The following KIF24 variants were observed in gnomAD, a reference collection of about 807,000 sequenced individuals.
The protein encoded by KIF24 is kinesin-like protein KIF24.
In KIF24, 81 loss-of-function variants were observed where a neutral mutation model predicts 118.9. The ratio of observed to expected loss-of-function variants is 0.68; its 90% CI spans 0.57 to 0.82. The LOEUF is 0.82. Among genes scored for constraint, KIF24 ranks in the 40% least tolerant of loss-of-function variants. The pLI, the probability that KIF24 is intolerant of heterozygous loss-of-function variation, is 0.00. For missense variants in KIF24, 1,560 were observed against 1,661.6 expected, an observed-to-expected ratio of 0.94 and a Z score of 1.06; for synonymous variants, 599 against 610.0, an observed-to-expected ratio of 0.98 and a Z score of 0.27.
At chr9:34,262,662 AAAAAAAAAAAAAAATATATATATATAT>A (rs1835108563) in intron 9 of KIF24, among the ~76,000 whole-genome samples, 1 of 50,338 alleles carries the variant, frequency 2.0e-5, no homozygotes, top group Non-Finnish European at 3.6e-5. Context: ...AAAAAAAAAA[AAAAAAAAAAAAAAATATATATATATAT>A]ATATATATAT....
intron 6 of KIF24, among the ~76,000 whole-genome samples, chr9:34,275,818 G>C (rs1275541136): frequency 6.6e-6 from 1 of 151,978 alleles, no homozygotes; most frequent in African/African-American, 2.4e-5. Context: ...CCATCCTGGT[G>C]ACAGAGCGAG....
At chr9:34,269,633 A>G (rs1241015848) in intron 7 of KIF24, among the ~76,000 whole-genome samples, 3 of 151,862 alleles carry the variant, frequency 2.0e-5, no homozygotes, top group Non-Finnish European at 4.4e-5. Context: ...GTTAGCCAGG[A>G]TGGTCTCCAT....
chr9:34,304,069 G>A (rs1011946900), intron 3 of KIF24, among the ~76,000 whole-genome samples: 3 of 152,078 alleles, frequency 2.0e-5, no homozygotes, highest in African/African-American at 7.2e-5. Flanking sequence ...CATACTACAT[G>A]TATATGATCA....
intron 1 of KIF24, among the ~76,000 whole-genome samples, chr9:34,328,120 G>C (rs1288886620): frequency 6.6e-6 from 1 of 152,160 alleles, no homozygotes; most frequent in Non-Finnish European, 1.5e-5. Context: ...TAATCCATGA[G>C]TTAACAACGA....
chr9:34,259,535 G>T (rs570552354), intron 10 of KIF24, 61 bp downstream of exon 10: 4 of 1,251,870 alleles, frequency 3.2e-6, no homozygotes, highest in African/African-American at 1.5e-5. Context: ...TCACACACGC[G>T]TGCTGCACAG....
intron 8 of KIF24, 51 bp from the exon 9 acceptor site, chr9:34,263,223 A>G: frequency 7.5e-7 from 1 of 1,336,418 alleles, no homozygotes; most frequent in Non-Finnish European, 1.1e-6. Flanking sequence ...AAGGGAGAGT[A>G]ACAGACCTGA....
chr9:34,332,138 A>G (rs1212685073), upstream of KIF24, among the ~76,000 whole-genome samples: 1 of 152,188 alleles, frequency 6.6e-6, no homozygotes, highest in African/African-American at 2.4e-5. Context: ...AGTCTGACCA[A>G]ATTATACCCT....
Position 34,317,141 on chromosome 9 carries a change from C to T in KIF24, c.-25-5770G>A, listed in dbSNP as rs182871719. On this transcript the variant is annotated intron_variant, in intron 1 of 12. Transcript: ENST00000402558. The stretch of plus-strand genomic sequence containing the variant: ...GCTGAGGCAGGAGAATCACTTGTAC[C>T]GGGAAAGTGGAGGTTGCGGTGAGCT... Among the ~76,000 whole-genome samples, 1,329 of 151,586 alleles carry T rather than the reference C, an allele frequency of 8.8e-3. 15 individuals carry two copies. The highest frequency in any genetic ancestry group is 0.011 in the Non-Finnish European group (758 of 67,904).
At chr9:34,292,506 T>C (rs577537652) in intron 4 of KIF24, among the ~76,000 whole-genome samples, 2 of 152,264 alleles carry the variant, frequency 1.3e-5, no homozygotes, top group South Asian at 2.1e-4. Context: ...TCTACAATGA[T>C]TGAGACTTGC....
At position 34,259,572 on chromosome 9, in the gene KIF24, C is replaced by T. The variant is rs539562300; in HGVS notation, c.1625+24G>A. On this transcript the variant is annotated intron_variant, in intron 10 of 12. Transcript: ENST00000402558. The stretch of plus-strand genomic sequence containing the variant: ...CATGCACATGCACACTTACACACAA[C>T]CTGCCATCTGGGAGCTGACTTACCG... 60 of 1,571,448 alleles carry T rather than the reference C, an allele frequency of 3.8e-5. No individual in the cohort carries two copies. The South Asian group carries it at 6.2e-4, about 16-fold the overall frequency.
Position 34,325,699 on chromosome 9 carries a change from TATAA to T in KIF24, c.-26+3403_-26+3406del, listed in dbSNP as rs1041265670. Among the ~76,000 whole-genome samples, 10 of 152,034 alleles carry T rather than the reference TATAA, an allele frequency of 6.6e-5. No individual in the cohort carries two copies. The East Asian group carries it at 1.7e-3, about 26-fold the overall frequency. ...AGAGTAAGACTATCTCAGAAAAAAA[TATAA>T]ATAAATAAATAAAAGAGTGATTGGA... On this transcript the variant is annotated intron_variant, in intron 1 of 12. Transcript: ENST00000402558.
intron 2 of KIF24, among the ~76,000 whole-genome samples, chr9:34,307,401 TA>T (rs145662656): frequency 0.026 from 3,727 of 143,740 alleles, 72 homozygotes; most frequent in Non-Finnish European, 0.037. Context: ...TGAATTGGTT[TA>T]AAAAAAAAAA....
intron 6 of KIF24, among the ~76,000 whole-genome samples, chr9:34,272,884 A>G (rs1835557030): frequency 6.6e-6 from 1 of 152,056 alleles, no homozygotes; most frequent in Admixed American, 6.6e-5. Context: ...TCGGTCCCTC[A>G]AAGTGGTAGG....
At chr9:34,272,417 A>T (rs1359732614) in intron 6 of KIF24, among the ~76,000 whole-genome samples, 4 of 152,182 alleles carry the variant, frequency 2.6e-5, no homozygotes, top group Non-Finnish European at 4.4e-5. Context: ...TAATTACCAT[A>T]AGCCCATGAT....
intron 1 of KIF24, among the ~76,000 whole-genome samples, chr9:34,321,523 T>C (rs1837520433): frequency 6.8e-6 from 1 of 146,952 alleles, no homozygotes; most frequent in Non-Finnish European, 1.5e-5. Flanking sequence ...ACCCACTAAG[T>C]GTCTGGAACA....
intron 3 of KIF24, among the ~76,000 whole-genome samples, chr9:34,301,365 A>G (rs1454631745): frequency 6.6e-6 from 1 of 152,114 alleles, no homozygotes; most frequent in East Asian, 1.9e-4. Flanking sequence ...CTCATGCCTC[A>G]GCCTCCCGAG....
Position 34,254,447 on chromosome 9 carries a change from C to T in KIF24, c.4040G>A (p.Ser1347Asn), listed in dbSNP as rs959703251. ...LKSKCIQSLR[S>N]QLQLYLTCHG... is the part of the protein sequence containing the mutation. The stretch of plus-strand genomic sequence containing the variant: ...GCAGGTGAGATAGAGCTGCAGCTGG[C>T]TCCTCAGACTCTGGATACACTTGGA... The change falls in exon 13 of 13, where the codon AGC becomes AAC. Residue 1347 changes from serine (S) to asparagine (N), a missense_variant. Ser to Asn is a conservative substitution (Grantham distance 46). Coordinates refer to ENST00000402558, the MANE Select transcript of KIF24 (RefSeq NM_194313.4). 5 of 1,613,920 alleles carry T rather than the reference C, an allele frequency of 3.1e-6. No individual in the cohort carries two copies. The highest frequency in any genetic ancestry group is 4.2e-6 in the Non-Finnish European group (5 of 1,179,868).
Position 34,256,112 on chromosome 9 carries a change from T to A in KIF24, c.3495A>T (p.Glu1165Asp), listed in dbSNP as rs761745622. ...QSRETVLFSH[E>D]HMGSEQYDAD... ...CATCATACTGCTCACTACCCATGTG[T>A]TCGTGGGAGAAAAGTACAGTCTCTC... Residue 1165 changes from glutamate to aspartate, a missense_variant, in exon 11 of 13, where the codon GAA (glutamate) becomes GAT (aspartate). Glu to Asp is a conservative substitution (Grantham distance 45, BLOSUM62 2). Transcript: ENST00000402558. 2 of 1,610,424 alleles carry A rather than the reference T, an allele frequency of 1.2e-6. No individual in the cohort carries two copies. Among genetic ancestry groups the A allele is most frequent in the South Asian group, 2.2e-5 (2 of 91,006 alleles).
chr9:34,317,871 A>G (rs893535378), intron 1 of KIF24, among the ~76,000 whole-genome samples: 23 of 152,318 alleles, frequency 1.5e-4, no homozygotes, highest in African/African-American at 5.5e-4. Context: ...GACTTAGGAA[A>G]ATGCATAACC....
Sources: gnomAD v4.1 joint callset for allele counts (sites outside exome capture counted in the v4.1 genomes callset) on GRCh38, gnomAD v4.1.1 for gene constraint, MANE v1.5 for transcripts, NCBI Gene and HGNC (gene_info 2026-07-23, HGNC 2026-07-21) for gene names.